The following UVRAG variants were observed in gnomAD, a reference collection of about 807,000 sequenced individuals.
UVRAG encodes UV radiation resistance-associated gene protein.
In UVRAG, 19 loss-of-function variants were observed where a neutral mutation model predicts 78.0. The observed-to-expected ratio is 0.24, with a 90% CI of 0.17 to 0.36. The LOEUF (loss-of-function observed/expected upper bound fraction) is 0.36. Ranked by LOEUF, UVRAG falls within the 10% of genes least tolerant of loss-of-function variation. UVRAG has a pLI of 1.00. For synonymous variants in UVRAG, 323 were observed against 324.6 expected (o/e 1.00, Z 0.05); for missense variants, 740 against 853.8 (o/e 0.87, Z 1.66).
intron 7 of UVRAG, among the ~76,000 whole-genome samples, chr11:75,965,494 T>A (rs965676160): frequency 9.2e-5 from 14 of 152,256 alleles, no homozygotes; most frequent in African/African-American, 3.4e-4. Flanking sequence ...TAAAAATATT[T>A]TTAGTAGAGA....
chr11:75,908,327 G>T (rs992011266), intron 5 of UVRAG, among the ~76,000 whole-genome samples: 1 of 152,014 alleles, frequency 6.6e-6, no homozygotes, highest in African/African-American at 2.4e-5. Flanking sequence ...TCTGTCTGTG[G>T]ACACTTGGGT....
At chr11:75,928,162 A>AC (rs2135093564) in intron 6 of UVRAG, among the ~76,000 whole-genome samples, 1 of 152,234 alleles carries the variant, frequency 6.6e-6, no homozygotes, top group South Asian at 2.1e-4. Context: ...GGGTCAACCC[A>AC]CCACAGCTGT....
chr11:76,007,512 GT>G (rs1565116977), intron 9 of UVRAG, 21 bp from the exon 10 acceptor site: 1 of 1,555,532 alleles, frequency 6.4e-7, no homozygotes, highest in Non-Finnish European at 8.8e-7. Flanking sequence ...TTTAATAAAT[GT>G]ATTTTTTCTT....
intron 14 of UVRAG, among the ~76,000 whole-genome samples, chr11:76,124,892 T>G (rs1952357068): frequency 1.3e-5 from 2 of 152,230 alleles, no homozygotes; most frequent in South Asian, 4.1e-4. Flanking sequence ...TAATGAAAAT[T>G]TAGAATAAGT....
intron 6 of UVRAG, among the ~76,000 whole-genome samples, chr11:75,917,610 A>G (rs1947885944): frequency 6.6e-6 from 1 of 152,136 alleles, no homozygotes; most frequent in African/African-American, 2.4e-5. Context: ...TCCAACCACC[A>G]TGGATATTTG....
At chr11:75,926,888 ATAAGAG>A (rs1460630613) in intron 6 of UVRAG, among the ~76,000 whole-genome samples, 1 of 152,060 alleles carries the variant, frequency 6.6e-6, no homozygotes, top group African/African-American at 2.4e-5. Context: ...TTTTAGGGTA[ATAAGAG>A]TAAAAGACAC....
At chr11:75,878,182 G>A (rs932752762) in intron 3 of UVRAG, among the ~76,000 whole-genome samples, 1 of 151,710 alleles carries the variant, frequency 6.6e-6, no homozygotes, top group African/African-American at 2.4e-5. Flanking sequence ...CCTCCCAGAC[G>A]GGGTCACGGC....
chr11:75,925,455 T>C (rs1264190668), intron 6 of UVRAG, among the ~76,000 whole-genome samples: 1 of 152,178 alleles, frequency 6.6e-6, no homozygotes, highest in Non-Finnish European at 1.5e-5. Context: ...CTATTGAGAG[T>C]GGACTTTGTA....
At chr11:75,888,717 T>G (rs1790358476) in intron 4 of UVRAG, 112 bp from the exon 5 acceptor site, 4 of 790,892 alleles carry the variant, frequency 5.1e-6, no homozygotes, top group Non-Finnish European at 7.8e-6. Context: ...TTAGATGTAG[T>G]CAGCCGGTTT....
At chr11:75,972,874 T>C (rs1949152187) in intron 7 of UVRAG, among the ~76,000 whole-genome samples, 1 of 152,250 alleles carries the variant, frequency 6.6e-6, no homozygotes, top group African/African-American at 2.4e-5. Context: ...ACTTATTAAT[T>C]CTATATTCTG....
intron 1 of UVRAG, among the ~76,000 whole-genome samples, chr11:75,829,145 A>G (rs1945599933): frequency 6.6e-6 from 1 of 152,088 alleles, no homozygotes; most frequent in African/African-American, 2.4e-5. Flanking sequence ...TTCACAGGTA[A>G]TGCACTACAA....
intron 2 of UVRAG, 85 bp downstream of exon 2, chr11:75,852,085 T>G (rs1946165504): frequency 1.1e-6 from 1 of 928,198 alleles, no homozygotes; most frequent in South Asian, 1.6e-5. Context: ...TGCCTCCTGC[T>G]TTTGTGGCTT....
chr11:75,950,965 C>CAT (rs1948683090), intron 6 of UVRAG, among the ~76,000 whole-genome samples: 1 of 108,554 alleles, frequency 9.2e-6, no homozygotes, highest in Non-Finnish European at 1.9e-5. Context: ...GTCAGGTGTA[C>CAT]ACACACACAC....
intron 5 of UVRAG, among the ~76,000 whole-genome samples, chr11:75,894,787 G>C (rs1255338278): frequency 7.4e-6 from 1 of 134,698 alleles, no homozygotes; most frequent in Non-Finnish European, 1.5e-5. Context: ...AACAAAGTGA[G>C]ACTCCCGTCT....
chr11:75,947,198 TAC>T (rs1450885978), intron 6 of UVRAG, among the ~76,000 whole-genome samples: 1 of 152,148 alleles, frequency 6.6e-6, no homozygotes, highest in Non-Finnish European at 1.5e-5. Flanking sequence ...GATGAAGGGA[TAC>T]AGTTCAGCCT....
At chr11:75,853,733 C>A (rs1197867399) in intron 2 of UVRAG, among the ~76,000 whole-genome samples, 1 of 151,904 alleles carries the variant, frequency 6.6e-6, no homozygotes, top group Non-Finnish European at 1.5e-5. Context: ...TTCAGTCTAA[C>A]CATTGCATGG....
intron 2 of UVRAG, among the ~76,000 whole-genome samples, chr11:75,857,817 C>T (rs1946327434): frequency 1.3e-5 from 2 of 151,174 alleles, no homozygotes; most frequent in African/African-American, 2.4e-5. Context: ...AATTCTGCTC[C>T]TTCTGAATTG....
At chr11:75,938,265 A>G (rs1214100666) in intron 6 of UVRAG, among the ~76,000 whole-genome samples, 1 of 152,130 alleles carries the variant, frequency 6.6e-6, no homozygotes, top group Non-Finnish European at 1.5e-5. Flanking sequence ...GCTTTTAAAC[A>G]TATAAATTAT....
At chr11:75,819,924 C>T (rs537014216) in intron 1 of UVRAG, among the ~76,000 whole-genome samples, 18 of 151,980 alleles carry the variant, frequency 1.2e-4, no homozygotes, top group Non-Finnish European at 2.4e-4. Flanking sequence ...GCTGAGATGG[C>T]GCCATTGTAC....
Sources: allele counts gnomAD v4.1 joint callset (sites outside exome capture counted in the v4.1 genomes callset), GRCh38; gene constraint gnomAD v4.1.1; transcripts MANE v1.5; gene names NCBI Gene and HGNC (gene_info 2026-07-23, HGNC 2026-07-21).